DOCK3: variants seen among roughly 807,000 people sequenced by gnomAD.
DOCK3 encodes dedicator of cytokinesis 3.
DOCK3 carries 60 observed loss-of-function variants against 265.6 expected under a neutral mutation model. The ratio of observed to expected loss-of-function variants is 0.23; its 90% CI spans 0.18 to 0.28. The LOEUF (loss-of-function observed/expected upper bound fraction) is 0.28. DOCK3 is among the 10% of genes least tolerant of loss of function. DOCK3 has a pLI of 1.00. For missense variants in DOCK3, 1,981 were observed against 2,594.3 expected (o/e 0.76, Z 5.14); for synonymous variants, 881 against 938.0 (o/e 0.94, Z 1.11).
intron 10 of DOCK3, among the ~76,000 whole-genome samples, chr3:51,150,465 T>C (rs566191316): frequency 1.4e-4 from 21 of 152,374 alleles, no homozygotes; most frequent in African/African-American, 2.9e-4. Flanking sequence ...CTTTCTCTTG[T>C]GGGCATTTAG....
chr3:51,019,915 A>G (rs142001132), intron 5 of DOCK3, among the ~76,000 whole-genome samples: 25 of 151,998 alleles, frequency 1.6e-4, no homozygotes, highest in African/African-American at 5.1e-4. Flanking sequence ...CTTTGGTATT[A>G]TGAATAGTAC....
At chr3:50,776,186 C>T (rs1168641079) in intron 1 of DOCK3, among the ~76,000 whole-genome samples, 1 of 152,136 alleles carries the variant, frequency 6.6e-6, no homozygotes, top group Non-Finnish European at 1.5e-5. Context: ...AACTGTTGTA[C>T]TAATTTACAC....
intron 4 of DOCK3, among the ~76,000 whole-genome samples, chr3:50,907,944 C>G (rs1318295705): frequency 1.3e-5 from 2 of 152,008 alleles, no homozygotes; most frequent in South Asian, 2.1e-4. Context: ...CTGGTTCAGT[C>G]TTGGGAGGGC....
chr3:50,920,454 C>A (rs995561083), intron 4 of DOCK3, among the ~76,000 whole-genome samples: 9 of 152,116 alleles, frequency 5.9e-5, no homozygotes, highest in African/African-American at 1.7e-4. Context: ...CAGGGATTCA[C>A]CTTCTTCCTG....
chr3:50,837,133 T>G (rs1268815777), intron 2 of DOCK3, among the ~76,000 whole-genome samples: 3 of 152,214 alleles, frequency 2.0e-5, no homozygotes, highest in African/African-American at 4.8e-5. Flanking sequence ...TTCCAGACTT[T>G]TCCACATTTT....
intron 1 of DOCK3, among the ~76,000 whole-genome samples, chr3:50,777,571 G>A (rs909681056): frequency 2.0e-5 from 3 of 152,054 alleles, no homozygotes; most frequent in Non-Finnish European, 4.4e-5. Flanking sequence ...ATTTGTTTGT[G>A]TCATCTGTGA....
intron 1 of DOCK3, among the ~76,000 whole-genome samples, chr3:50,734,105 T>G (rs1395698551): frequency 2.0e-5 from 3 of 152,216 alleles, no homozygotes; most frequent in African/African-American, 7.2e-5. Flanking sequence ...ATATGTTAAT[T>G]AGCTCAATTT....
intron 4 of DOCK3, among the ~76,000 whole-genome samples, chr3:50,931,955 A>C (rs780566745): frequency 6.6e-6 from 1 of 152,150 alleles, no homozygotes; most frequent in African/African-American, 2.4e-5. Flanking sequence ...TCAGTGGTGT[A>C]CTGAAACTTT....
intron 2 of DOCK3, among the ~76,000 whole-genome samples, chr3:50,786,273 A>G (rs2042182234): frequency 6.6e-6 from 1 of 152,194 alleles, no homozygotes; most frequent in African/African-American, 2.4e-5. Flanking sequence ...ATATGAAATT[A>G]TAAAATTCTA....
chr3:51,332,967 C>T, intron 33 of DOCK3, 34 bp from the exon 34 acceptor site: 1 of 1,613,778 alleles, frequency 6.2e-7, no homozygotes, highest in East Asian at 2.2e-5. Context: ...AGTTCAGTAA[C>T]CTCCTTATCT....
chr3:51,142,858 T>C (rs2085125080), intron 9 of DOCK3, among the ~76,000 whole-genome samples: 1 of 152,162 alleles, frequency 6.6e-6, no homozygotes, highest in Admixed American at 6.5e-5. Context: ...TCTAGTTACT[T>C]GACATTCTTA....
intron 5 of DOCK3, among the ~76,000 whole-genome samples, chr3:50,981,371 A>G (rs1048736269): frequency 2.0e-5 from 3 of 152,206 alleles, no homozygotes; most frequent in African/African-American, 7.2e-5. Context: ...TTTGTGACTT[A>G]CCAGATGGCC....
At chr3:50,831,643 G>A (rs2107118792) in intron 2 of DOCK3, among the ~76,000 whole-genome samples, 1 of 152,162 alleles carries the variant, frequency 6.6e-6, no homozygotes, top group East Asian at 1.9e-4. Flanking sequence ...TGGGCATTTG[G>A]GTTGGTTCCA....
intron 43 of DOCK3, 65 bp from the exon 44 acceptor site, chr3:51,356,897 T>C (rs2086403114): frequency 6.6e-7 from 1 of 1,511,736 alleles, no homozygotes; most frequent in African/African-American, 1.4e-5. Flanking sequence ...AGACCCCAGC[T>C]CTCAGGAAGA....
intron 5 of DOCK3, among the ~76,000 whole-genome samples, chr3:51,061,103 C>T (rs567488884): frequency 6.6e-6 from 1 of 152,302 alleles, no homozygotes; most frequent in Non-Finnish European, 1.5e-5. Flanking sequence ...AACACTTTTA[C>T]ACTGTTGGTG....
At chr3:50,891,608 G>A (rs1312820673) in intron 4 of DOCK3, among the ~76,000 whole-genome samples, 2 of 151,794 alleles carry the variant, frequency 1.3e-5, no homozygotes, top group Non-Finnish European at 2.9e-5. Context: ...TATATATTTT[G>A]GAAAGTGCTA....
At chr3:51,054,410 C>T (rs2081123047) in intron 5 of DOCK3, among the ~76,000 whole-genome samples, 1 of 152,012 alleles carries the variant, frequency 6.6e-6, no homozygotes, top group South Asian at 2.1e-4. Flanking sequence ...ATCTCTTTGC[C>T]CCAGTGTTCT....
rs1017561242 is a variant in DOCK3 at position 50,719,425 on chromosome 3, C to G, written c.37+44125C>G. On this transcript the variant is annotated intron_variant, in intron 1 of 52. Coordinates refer to ENST00000266037, the MANE Select transcript of DOCK3 (RefSeq NM_004947.5). ...CGAGCAAATGGAGTGGAGGGGTGCT[C>G]TCCTGAGCTACGGAAGGAATGGTCT... 9.7e-6 allele frequency: 6 copies of G among 619,064 alleles called. No individual in the cohort carries two copies. The East Asian group carries it at 1.1e-4, about 11-fold the overall frequency. The allele number at this position is 619,064 out of a possible 1,614,324, so 38.3% of individuals were successfully genotyped here.
chr3:50,887,980 G>A (rs990108592), intron 3 of DOCK3, among the ~76,000 whole-genome samples: 10 of 152,044 alleles, frequency 6.6e-5, no homozygotes, highest in South Asian at 4.1e-4. Context: ...CACCACTCCT[G>A]TTCAACATAG....
Sources: gnomAD v4.1 joint callset for allele counts (sites outside exome capture counted in the v4.1 genomes callset) on GRCh38, gnomAD v4.1.1 for gene constraint, MANE v1.5 for transcripts, NCBI Gene and HGNC (gene_info 2026-07-23, HGNC 2026-07-21) for gene names.